GREB1L: variants seen among roughly 807,000 people sequenced by gnomAD.
The protein encoded by GREB1L is GREB1 like retinoic acid receptor coactivator, also known as GREB1-like protein.
A neutral mutation model predicts 200.8 loss-of-function variants in GREB1L; 17 were observed. The ratio of observed to expected loss-of-function variants is 0.08; its 90% CI spans 0.06 to 0.13. GREB1L has a LOEUF of 0.13. Ranked by LOEUF, GREB1L falls within the 10% of genes least tolerant of loss-of-function variation. The pLI, the probability that GREB1L is intolerant of heterozygous loss-of-function variation, is 1.00. For synonymous variants in GREB1L, 789 were observed against 893.0 expected (o/e 0.88, Z 2.08); for missense variants, 1,657 against 2,367.7 (o/e 0.70, Z 6.23).
At chr18:21,343,730 ATTTTTTT>A (rs36120644) in intron 1 of GREB1L, among the ~76,000 whole-genome samples, 3 of 114,944 alleles carry the variant, frequency 2.6e-5, no homozygotes, top group East Asian at 4.7e-4. Flanking sequence ...GAGAAGAGAG[ATTTTTTT>A]TTTTTTTTTT....
intron 7 of GREB1L, among the ~76,000 whole-genome samples, chr18:21,437,223 C>T (rs1376793078): frequency 1.3e-5 from 2 of 152,088 alleles, no homozygotes; most frequent in Non-Finnish European, 2.9e-5. Flanking sequence ...GCCATTGTGC[C>T]TGGCCATTTT....
At chr18:21,313,147 A>G (rs1237269936) in intron 1 of GREB1L, among the ~76,000 whole-genome samples, 1 of 151,780 alleles carries the variant, frequency 6.6e-6, no homozygotes, top group Admixed American at 6.6e-5. Flanking sequence ...AACAGAGAAG[A>G]TTTTAATATT....
chr18:21,369,031 GT>G (rs1275610956), intron 2 of GREB1L, among the ~76,000 whole-genome samples: 1 of 152,206 alleles, frequency 6.6e-6, no homozygotes, highest in East Asian at 1.9e-4. Flanking sequence ...AAAATATTTA[GT>G]TATCTATGCC....
chr18:21,520,904 A>T, intron 32 of GREB1L, 81 bp downstream of exon 32: 1 of 1,311,754 alleles, frequency 7.6e-7, no homozygotes, highest in Non-Finnish European at 1.0e-6. Flanking sequence ...TATTTTTAAA[A>T]AGCACTTGAG....
chr18:21,388,038 C>G (rs530135671), intron 4 of GREB1L, among the ~76,000 whole-genome samples: 1 of 152,142 alleles, frequency 6.6e-6, no homozygotes, highest in African/African-American at 2.4e-5. Flanking sequence ...TAGACCAGAC[C>G]CTTGGCAGGC....
At chr18:21,475,970 CAAAAAAAAAAAAAAAA>C (rs71178177) in intron 16 of GREB1L, among the ~76,000 whole-genome samples, 1 of 58,382 alleles carries the variant, frequency 1.7e-5, no homozygotes, top group South Asian at 1.0e-3. Flanking sequence ...GACTCCGTCT[CAAAAAAAAAAAAAAAA>C]AAAAAAAAAA....
chr18:21,404,313 A>AT (rs2029915577), intron 7 of GREB1L, among the ~76,000 whole-genome samples: 1 of 152,188 alleles, frequency 6.6e-6, no homozygotes, highest in South Asian at 2.1e-4. Flanking sequence ...AGTGGCAAGT[A>AT]TTAGAGACAC....
At chr18:21,310,670 A>G (rs1352939738) in intron 1 of GREB1L, among the ~76,000 whole-genome samples, 12 of 152,204 alleles carry the variant, frequency 7.9e-5, no homozygotes, top group African/African-American at 2.4e-4. Flanking sequence ...ACAGGTCCCT[A>G]TATCATACTT....
intron 1 of GREB1L, among the ~76,000 whole-genome samples, chr18:21,337,771 G>C (rs1366324951): frequency 6.6e-6 from 1 of 151,844 alleles, no homozygotes; most frequent in East Asian, 1.9e-4. Context: ...TAGATCACGG[G>C]ATCAGGAGAT....
chr18:21,395,938 C>T (rs887161184), intron 5 of GREB1L, among the ~76,000 whole-genome samples: 2 of 151,772 alleles, frequency 1.3e-5, no homozygotes, highest in African/African-American at 4.8e-5. Flanking sequence ...CCATATTGGC[C>T]GGAGTGGTCT....
intron 31 of GREB1L, among the ~76,000 whole-genome samples, chr18:21,518,477 T>C (rs2037500548): frequency 6.6e-6 from 1 of 152,200 alleles, no homozygotes; most frequent in African/African-American, 2.4e-5. Context: ...CCATGCCTAT[T>C]TTATCTCCAC....
At chr18:21,356,574 T>C (rs935354977) in intron 1 of GREB1L, among the ~76,000 whole-genome samples, 5 of 152,202 alleles carry the variant, frequency 3.3e-5, no homozygotes, top group Non-Finnish European at 7.3e-5. Context: ...ATACATCTGT[T>C]GATGGACACT....
At chr18:21,384,090 T>G in intron 3 of GREB1L, 116 bp from the exon 4 acceptor site, 4 of 745,652 alleles carry the variant, frequency 5.4e-6, no homozygotes, top group Non-Finnish European at 8.8e-6. Flanking sequence ...CTGAGATAAA[T>G]TGGCTAAATG....
intron 1 of GREB1L, among the ~76,000 whole-genome samples, chr18:21,353,553 AT>A (rs2039464674): frequency 6.6e-6 from 1 of 151,980 alleles, no homozygotes; most frequent in South Asian, 2.1e-4. Flanking sequence ...GATGTTTTAT[AT>A]TTTCACTAGT....
chr18:21,329,311 TGA>T (rs1352352170), intron 1 of GREB1L, among the ~76,000 whole-genome samples: 4 of 129,690 alleles, frequency 3.1e-5, no homozygotes, highest in African/African-American at 1.3e-4. Flanking sequence ...GGCGACAGAG[TGA>T]GACTCTGTCT....
intron 7 of GREB1L, among the ~76,000 whole-genome samples, chr18:21,437,091 T>C (rs1188084942): frequency 6.6e-6 from 1 of 152,088 alleles, no homozygotes; most frequent in Non-Finnish European, 1.5e-5. Flanking sequence ...AACTTTTCTT[T>C]TTTCTTTCTT....
intron 1 of GREB1L, among the ~76,000 whole-genome samples, chr18:21,335,729 T>A (rs553994904): frequency 3.9e-4 from 59 of 151,510 alleles, no homozygotes; most frequent in Non-Finnish European, 6.6e-4. Context: ...AGTGGCTCAA[T>A]CTCGGCTCAC....
chr18:21,467,950 G>A (rs1261916140), intron 15 of GREB1L, among the ~76,000 whole-genome samples: 8 of 151,564 alleles, frequency 5.3e-5, no homozygotes, highest in Non-Finnish European at 8.8e-5. Context: ...GCATGAACCC[G>A]GGAGGTGGAG....
chr18:21,522,838 A>G lies in GREB1L; in HGVS notation c.*17A>G. 1 of 1,531,186 alleles carries G rather than the reference A, an allele frequency of 6.5e-7. No homozygotes were observed. Among genetic ancestry groups the G allele is most frequent in the South Asian group, 1.2e-5 (1 of 80,676 alleles). The allele number at this position is 1,531,186 out of a possible 1,614,324, so 94.8% of individuals were successfully genotyped here. On this transcript the variant is annotated 3_prime_UTR_variant, in exon 33 of 33. Transcript: ENST00000424526. ...CATGTATGAGCTTTTGAAGAGACCA[A>G]AACAGCAAAAAGATGCCTAGGTGGG...
Sources: allele counts gnomAD v4.1 joint callset (sites outside exome capture counted in the v4.1 genomes callset), GRCh38; gene constraint gnomAD v4.1.1; transcripts MANE v1.5; gene names NCBI Gene and HGNC (gene_info 2026-07-23, HGNC 2026-07-21).